The following SLC25A13 variants were observed in gnomAD, a reference collection of about 807,000 sequenced individuals.
SLC25A13 encodes solute carrier family 25 member 13.
Under a neutral mutation model 85.5 loss-of-function variants are expected in SLC25A13, and 70 were observed. That is an observed-to-expected ratio of 0.82 (90% CI 0.68 to 1.00). The LOEUF (loss-of-function observed/expected upper bound fraction) is 1.00, where lower values mean the gene tolerates loss of function less well. SLC25A13 is among the 50% of genes least tolerant of loss of function. The pLI is 0.00. For synonymous variants in SLC25A13, 259 were observed against 288.7 expected, an observed-to-expected ratio of 0.90 and a Z score of 1.04; for missense variants, 765 against 819.8, an observed-to-expected ratio of 0.93 and a Z score of 0.82.
intron 1 of SLC25A13, among the ~76,000 whole-genome samples, chr7:96,319,968 GAACT>G (rs1221241515): frequency 1.3e-5 from 2 of 152,162 alleles, no homozygotes; most frequent in Non-Finnish European, 1.5e-5. Context: ...CCAAAGAGTT[GAACT>G]AACTTCCATA....
At chr7:96,227,906 C>G (rs1796380912) in intron 4 of SLC25A13, among the ~76,000 whole-genome samples, 1 of 152,070 alleles carries the variant, frequency 6.6e-6, no homozygotes, top group South Asian at 2.1e-4. Flanking sequence ...CTCTTGTCAC[C>G]CAGGCTGGAG....
chr7:96,225,875 T>C (rs981675909), intron 4 of SLC25A13, among the ~76,000 whole-genome samples: 1 of 152,146 alleles, frequency 6.6e-6, no homozygotes, highest in Non-Finnish European at 1.5e-5. Flanking sequence ...AAAACGTTCC[T>C]CAAATGTATC....
intron 4 of SLC25A13, among the ~76,000 whole-genome samples, chr7:96,215,510 A>AC (rs1350452707): frequency 3.3e-5 from 5 of 152,304 alleles, no homozygotes; most frequent in Middle Eastern, 3.4e-3. Context: ...ATTAACCCTC[A>AC]CATTTATAGT....
chr7:96,229,850 T>G (rs1181630189), intron 4 of SLC25A13, among the ~76,000 whole-genome samples: 1 of 152,140 alleles, frequency 6.6e-6, no homozygotes, highest in Non-Finnish European at 1.5e-5. Flanking sequence ...CTTTAAGAAC[T>G]GTAACACTCA....
At chr7:96,265,247 C>T (rs566260920) in intron 3 of SLC25A13, among the ~76,000 whole-genome samples, 30 of 152,242 alleles carry the variant, frequency 2.0e-4, no homozygotes, top group African/African-American at 6.3e-4. Context: ...CCATGCACAC[C>T]GGTCAACTGG....
chr7:96,240,995 G>GGAGGA (rs1796953811), intron 3 of SLC25A13, among the ~76,000 whole-genome samples: 1 of 108,864 alleles, frequency 9.2e-6, no homozygotes, highest in Non-Finnish European at 1.9e-5. Context: ...GGAGGGGAGG[G>GGAGGA]GAGGGGAGGG....
intron 15 of SLC25A13, among the ~76,000 whole-genome samples, chr7:96,130,602 C>A (rs1343415321): frequency 6.6e-6 from 1 of 152,152 alleles, no homozygotes; most frequent in Non-Finnish European, 1.5e-5. Flanking sequence ...TAAATTATAA[C>A]CCTTTGGTTC....
At chr7:96,224,466 A>C (rs1454344657) in intron 4 of SLC25A13, among the ~76,000 whole-genome samples, 1 of 151,988 alleles carries the variant, frequency 6.6e-6, no homozygotes, top group Non-Finnish European at 1.5e-5. Flanking sequence ...GGCCTCCTCT[A>C]CTATGGTTCC....
intron 4 of SLC25A13, among the ~76,000 whole-genome samples, chr7:96,230,368 C>T (rs1441103667): frequency 6.6e-6 from 1 of 152,212 alleles, no homozygotes; most frequent in Non-Finnish European, 1.5e-5. Flanking sequence ...GTACCATCCT[C>T]TTTCTGATCT....
At chr7:96,284,710 A>G (rs927430985) in intron 2 of SLC25A13, among the ~76,000 whole-genome samples, 53 of 152,218 alleles carry the variant, frequency 3.5e-4, no homozygotes, top group African/African-American at 1.3e-3. Flanking sequence ...AGAAGATCCA[A>G]TGGTTTTATA....
intron 4 of SLC25A13, among the ~76,000 whole-genome samples, chr7:96,222,173 G>A (rs1039475034): frequency 1.3e-5 from 2 of 152,124 alleles, no homozygotes; most frequent in Non-Finnish European, 2.9e-5. Context: ...AACAAGAAAC[G>A]CTTCTCTATA....
chr7:96,285,536 C>T (rs964461565), intron 2 of SLC25A13, among the ~76,000 whole-genome samples: 1 of 152,152 alleles, frequency 6.6e-6, no homozygotes, highest in African/African-American at 2.4e-5. Flanking sequence ...GTCGCCTCTC[C>T]AACTTGTCCC....
At chr7:96,139,328 G>C (rs1792425306) in intron 14 of SLC25A13, among the ~76,000 whole-genome samples, 1 of 152,028 alleles carries the variant, frequency 6.6e-6, no homozygotes, top group South Asian at 2.1e-4. Context: ...CAATATACCT[G>C]TGCAACAAAC....
At chr7:96,180,201 G>GT (rs1423187828) in intron 11 of SLC25A13, among the ~76,000 whole-genome samples, 3 of 152,100 alleles carry the variant, frequency 2.0e-5, no homozygotes, top group African/African-American at 7.2e-5. Context: ...TTCCTCAAAG[G>GT]TTAAGCACTG....
chr7:96,168,946 T>C (rs1413698394), intron 13 of SLC25A13, among the ~76,000 whole-genome samples: 2 of 152,202 alleles, frequency 1.3e-5, no homozygotes, highest in Non-Finnish European at 1.5e-5. Flanking sequence ...CTTTGATTAT[T>C]ATTGTGTGCC....
intron 3 of SLC25A13, among the ~76,000 whole-genome samples, chr7:96,265,420 C>A (rs981425567): frequency 6.6e-6 from 1 of 152,156 alleles, no homozygotes; most frequent in Non-Finnish European, 1.5e-5. Context: ...TCAAAAAAGT[C>A]ATTCTTTCAA....
chr7:96,228,997 C>A (rs1796423601), intron 4 of SLC25A13, among the ~76,000 whole-genome samples: 1 of 152,174 alleles, frequency 6.6e-6, no homozygotes, highest in East Asian at 1.9e-4. Context: ...CCCCCCAACC[C>A]CGTGGGCTCC....
rs1321531667 is a variant in SLC25A13, at chr7:96,208,973, A to AGAGTT, written c.332_333insAACTC (p.Asp111GlufsTer38). On this transcript the variant is annotated frameshift_variant, in exon 5 of 18. Coordinates refer to ENST00000265631, the MANE Select transcript of SLC25A13 (RefSeq NM_014251.3). LOFTEE classifies it high-confidence loss of function. ...TGGTCTGTCCAAAAACTTGCTTAAC[A>AGAGTT]TCCTCTGAAAAGAGAAAAGACAGGT... The AGAGTT allele has an allele frequency of 6.2e-7, 1 of 1,613,950 alleles. No homozygotes were observed. Among genetic ancestry groups the AGAGTT allele is most frequent in the African/African-American group, 1.3e-5 (1 of 74,936 alleles).
chr7:96,242,620 A>G (rs1184797513), intron 3 of SLC25A13, among the ~76,000 whole-genome samples: 1 of 152,176 alleles, frequency 6.6e-6, no homozygotes, highest in African/African-American at 2.4e-5. Context: ...CATCTGTACA[A>G]TGAACACTTT....
Sources: allele counts gnomAD v4.1 joint callset (sites outside exome capture counted in the v4.1 genomes callset), GRCh38; gene constraint gnomAD v4.1.1; transcripts MANE v1.5; gene names NCBI Gene and HGNC (gene_info 2026-07-23, HGNC 2026-07-21).